Variants in MYOM2 observed in about 807,000 individuals in gnomAD.
MYOM2 encodes the protein myomesin 2, also known as myomesin-2.
In MYOM2, 254 loss-of-function variants were observed where a neutral mutation model predicts 187.6. The ratio of observed to expected loss-of-function variants is 1.35; its 90% CI spans 1.22 to 1.50. MYOM2 has a LOEUF of 1.50. MYOM2 is among the 40% of genes most tolerant of loss of function. MYOM2 has a pLI of 0.00. For missense variants in MYOM2, 2,796 were observed against 1,924.0 expected (o/e 1.45, Z -8.48); for synonymous variants, 981 against 753.8 (o/e 1.30, Z -4.94).
chr8:2,122,254 T>C (rs1004922155), intron 28 of MYOM2, among the ~76,000 whole-genome samples: 4 of 152,192 alleles, frequency 2.6e-5, no homozygotes, highest in Non-Finnish European at 1.5e-5. Context: ...TAAGATTTGT[T>C]ATAAAGGAGT....
rs747797423 is a variant in MYOM2, at chr8:2,072,516, A to C, written c.958+7A>C. The C allele has an allele frequency of 1.2e-6, 2 of 1,611,462 alleles. No homozygotes were observed. The highest frequency in any genetic ancestry group is 4.5e-5 in the East Asian group (2 of 44,868). On this transcript the variant is annotated splice_region_variant and intron_variant, in intron 9 of 36. Transcript: ENST00000262113. ...GCCGAGTGGTACCGCGATGGTGAGTAGGACACGGCCCAGACCCGGGCACAC... is the reference window on the plus strand; with the variant it reads ...GCCGAGTGGTACCGCGATGGTGAGTCGGACACGGCCCAGACCCGGGCACAC...
At position 2,117,509 on chromosome 8, in the gene MYOM2, T is replaced by C. The variant is rs146977376; in HGVS notation, c.3386-376T>C. ...TTTAAAGGTATTATTTACCATGTTG[T>C]CGAATGTTCAGTTAGACATATACTT... On this transcript the variant is annotated intron_variant, in intron 27 of 36. Transcript: ENST00000262113. 4.7e-3 allele frequency among the ~76,000 whole-genome samples: 713 copies of C among 152,314 alleles called. 13 individuals are homozygous for C. The highest frequency in any genetic ancestry group is 0.045 in the East Asian group (233 of 5,178).
intron 6 of MYOM2, among the ~76,000 whole-genome samples, chr8:2,068,608 C>G (rs1287266243): frequency 2.0e-5 from 3 of 152,202 alleles, no homozygotes; most frequent in African/African-American, 4.8e-5. Flanking sequence ...AGGCAGAGAG[C>G]ATCCTGGGCG....
chr8:2,064,035 G>A (rs13272405), intron 6 of MYOM2, among the ~76,000 whole-genome samples: 9,203 of 152,284 alleles, frequency 0.06, 297 homozygotes, highest in African/African-American at 0.087. Flanking sequence ...GGAGGAAGAC[G>A]GGGGTCCTTT....
intron 23 of MYOM2, 76 bp from the exon 24 acceptor site, chr8:2,108,710 G>A: frequency 7.1e-7 from 1 of 1,406,152 alleles, no homozygotes; most frequent in Admixed American, 1.7e-5. Context: ...TCTTGCTCGT[G>A]TGTCGCCTTG....
intron 19 of MYOM2, among the ~76,000 whole-genome samples, chr8:2,099,481 T>C (rs1796610660): frequency 6.6e-6 from 1 of 151,794 alleles, no homozygotes; most frequent in Non-Finnish European, 1.5e-5. Flanking sequence ...AGGGTTCTCA[T>C]TCGTGGGTGA....
At chr8:2,053,952 T>G (rs79719312) in intron 3 of MYOM2, among the ~76,000 whole-genome samples, 1,963 of 152,322 alleles carry the variant, frequency 0.013, 50 homozygotes, top group African/African-American at 0.045. Flanking sequence ...GGGATCTCAG[T>G]GAGTTGGGCA....
chr8:2,083,473 C>G (rs1319329717), intron 13 of MYOM2, among the ~76,000 whole-genome samples: 2 of 152,182 alleles, frequency 1.3e-5, no homozygotes, highest in East Asian at 1.9e-4. Context: ...TTAGCACCAT[C>G]TCGCATATGT....
chr8:2,109,673 T>C (rs1797006265), intron 25 of MYOM2, 142 bp downstream of exon 25: 1 of 864,144 alleles, frequency 1.2e-6, no homozygotes, highest in African/African-American at 1.7e-5. Context: ...GTTGACAAGA[T>C]GAATGGAGAT....
rs144705801 is a variant in MYOM2, at chr8:2,079,562, G to A, written c.1465G>A (p.Val489Ile). ...DPLDLRRLQA[V>I]HLEGEKEIAI... ...AGTGTCAACCTTTCTCTCCGCAGCC[G>A]TTCATTTGGAGGGAGAGAAGGAGAT... The change falls in exon 13 of 37, where the codon GTT (valine) becomes ATT (isoleucine). Residue 489 changes from valine (V) to isoleucine (I), a missense_variant and splice_region_variant. Val to Ile is a conservative substitution (Grantham distance 29, BLOSUM62 3). Coordinates refer to ENST00000262113, the MANE Select transcript of MYOM2 (RefSeq NM_003970.4). The A allele has an allele frequency of 1.1e-5, 17 of 1,613,962 alleles. No individual in the cohort carries two copies. The highest frequency in any genetic ancestry group is 8.0e-5 in the African/African-American group (6 of 74,908).
intron 14 of MYOM2, 127 bp downstream of exon 14, chr8:2,085,517 C>CCCTCACTGTCGTGATCTCTGTGTGG (rs1819812720): frequency 2.0e-6 from 1 of 504,914 alleles, no homozygotes; most frequent in Non-Finnish European, 3.0e-6. Context: ...TCCGCGTGGC[C>CCCTCACTGTCGTGATCTCTGTGTGG]CCCCACTGTT....
intron 15 of MYOM2, among the ~76,000 whole-genome samples, chr8:2,092,127 G>T (rs962519604): frequency 1.3e-5 from 2 of 152,100 alleles, no homozygotes; most frequent in Non-Finnish European, 2.9e-5. Flanking sequence ...TCTAGGAGTT[G>T]TGTGGAGCTT....
At chr8:2,053,409 A>T (rs1818555463) in intron 3 of MYOM2, among the ~76,000 whole-genome samples, 1 of 152,176 alleles carries the variant, frequency 6.6e-6, no homozygotes, top group Non-Finnish European at 1.5e-5. Flanking sequence ...GGGTTCTTCT[A>T]CCTATATTTA....
chr8:2,075,226 C>A (rs1329847585), intron 10 of MYOM2, among the ~76,000 whole-genome samples: 1 of 152,176 alleles, frequency 6.6e-6, no homozygotes, highest in Admixed American at 6.5e-5. Flanking sequence ...AGTTTCACTG[C>A]TGTTGTTAGG....
At chr8:2,066,867 G>A (rs1819036206) in intron 6 of MYOM2, among the ~76,000 whole-genome samples, 1 of 152,246 alleles carries the variant, frequency 6.6e-6, no homozygotes, top group Non-Finnish European at 1.5e-5. Flanking sequence ...AAATAGGACA[G>A]CAGCGTAGCT....
chr8:2,059,224 TAC>T lies in MYOM2; in HGVS notation c.639_640del (p.Leu214GlyfsTer8), dbSNP rs1398349268. ...TACAGGATTGAGAGCAACTATGGCG[TAC>T]ACACACTGGAGATCAACAGGTATGG... On this transcript the variant is annotated frameshift_variant, in exon 6 of 37. Transcript: ENST00000262113. LOFTEE classifies it high-confidence loss of function. 2 of 1,614,160 alleles carry T rather than the reference TAC, an allele frequency of 1.2e-6. No individual in the cohort carries two copies. The highest frequency in any genetic ancestry group is 2.2e-5 in the South Asian group (2 of 91,082).
intron 21 of MYOM2, among the ~76,000 whole-genome samples, chr8:2,106,038 A>C (rs2116799806): frequency 6.6e-6 from 1 of 152,328 alleles, no homozygotes; most frequent in South Asian, 2.1e-4. Flanking sequence ...ATCAGATCTC[A>C]TAAGACTCAG....
chr8:2,138,768 G>A (rs1407979530), intron 32 of MYOM2, among the ~76,000 whole-genome samples: 7 of 152,012 alleles, frequency 4.6e-5, no homozygotes, highest in Non-Finnish European at 8.8e-5. Context: ...TAAAACAACC[G>A]CACATGGGCA....
chr8:2,120,696 A>ATATATATAT (rs1491564842), intron 28 of MYOM2, among the ~76,000 whole-genome samples: 8 of 83,996 alleles, frequency 9.5e-5, no homozygotes, highest in African/African-American at 3.8e-4. Flanking sequence ...ATAAATATAT[A>ATATATATAT]ATATATATAT....
Sources: allele counts gnomAD v4.1 joint callset (sites outside exome capture counted in the v4.1 genomes callset), GRCh38; gene constraint gnomAD v4.1.1; transcripts MANE v1.5; gene names NCBI Gene and HGNC (gene_info 2026-07-23, HGNC 2026-07-21).